TTC34: variants seen among roughly 807,000 people sequenced by gnomAD.
TTC34 encodes the protein tetratricopeptide repeat domain 34.
TTC34 carries 44 observed loss-of-function variants against 40.7 expected under a neutral mutation model. The observed-to-expected ratio is 1.08, with a 90% CI of 0.85 to 1.39. The LOEUF (loss-of-function observed/expected upper bound fraction) is 1.39, where lower values mean the gene tolerates loss of function less well. Among genes scored for constraint, TTC34 ranks in the 40% most tolerant of loss-of-function variants. The pLI is 0.00. For synonymous variants in TTC34, 422 were observed against 398.6 expected (o/e 1.06, Z -0.70); for missense variants, 884 against 838.0 (o/e 1.05, Z -0.68).
In TTC34 at chr1:2,755,620, C is replaced by A. The variant is rs1336451791; in HGVS notation, c.2226+27989G>T. Reference sequence around the variant, plus strand: ...ATCCGACAGCCTGGAGCAGCACCCACACACCCAGGTGCGCATCTGATGGTC... The same window carrying A: ...ATCCGACAGCCTGGAGCAGCACCCAAACACCCAGGTGCGCATCTGATGGTC... On this transcript the variant is annotated intron_variant, in intron 6 of 8. Coordinates refer to ENST00000401095, the Ensembl canonical transcript of TTC34. Among the ~76,000 whole-genome samples, 13 of 121,586 alleles carry A rather than the reference C, an allele frequency of 1.1e-4. 2 individuals carry two copies. The highest frequency in any genetic ancestry group is 4.5e-4 in the African/African-American group (12 of 26,736). 79.8% of individuals were successfully genotyped at this position (121,586 alleles called of 152,430 possible).
intron 6 of TTC34, among the ~76,000 whole-genome samples, chr1:2,781,268 G>T (rs1643478850): frequency 6.6e-6 from 1 of 152,190 alleles, no homozygotes; most frequent in Admixed American, 6.5e-5. Context: ...TCTGAGGGTT[G>T]TCCTGGAACC....
intron 6 of TTC34, among the ~76,000 whole-genome samples, chr1:2,752,145 T>A (rs1641340288): frequency 1.9e-5 from 2 of 107,756 alleles, no homozygotes; most frequent in Non-Finnish European, 3.6e-5. Flanking sequence ...GGTGCGCATG[T>A]GATGGTCTGG....
intron 6 of TTC34, among the ~76,000 whole-genome samples, chr1:2,688,035 C>A (rs1200893106): frequency 1.4e-5 from 2 of 139,002 alleles, no homozygotes. Context: ...CTGCATGTAA[C>A]AGCACCCACA....
exon 4 of TTC34, chr1:2,787,496 G>A: frequency 6.7e-7 from 1 of 1,494,846 alleles, no homozygotes; most frequent in South Asian, 1.3e-5. Flanking sequence ...TGGCGTCATA[G>A]AAGAAGCCCC....
intron 6 of TTC34, among the ~76,000 whole-genome samples, chr1:2,692,047 C>G (rs574646682): frequency 8.7e-5 from 10 of 115,430 alleles, no homozygotes; most frequent in African/African-American, 2.8e-4. Flanking sequence ...ATCTGACAGC[C>G]TGGAACAGCA....
intron 6 of TTC34, among the ~76,000 whole-genome samples, chr1:2,756,639 A>C (rs2100448253): frequency 6.6e-6 from 1 of 151,964 alleles, no homozygotes; most frequent in African/African-American, 2.4e-5. Flanking sequence ...CCAGGTGAGC[A>C]TCTGACAGCC....
intron 6 of TTC34, among the ~76,000 whole-genome samples, chr1:2,686,315 C>T (rs113625845): frequency 4.4e-3 from 549 of 126,064 alleles, no homozygotes; most frequent in East Asian, 6.9e-3. Context: ...GGAGCAGCAC[C>T]CACACCTCCA....
At chr1:2,681,934 C>T (rs373332367) in intron 6 of TTC34, among the ~76,000 whole-genome samples, 1 of 108,440 alleles carries the variant, frequency 9.2e-6, no homozygotes, top group Admixed American at 8.6e-5. Context: ...CAGCCTGGAA[C>T]AGCACCAACA....
At chr1:2,769,741 A>AG (rs1641995345) in intron 6 of TTC34, among the ~76,000 whole-genome samples, 2 of 145,602 alleles carry the variant, frequency 1.4e-5, no homozygotes, top group African/African-American at 2.6e-5. Context: ...AGCCTGGAGC[A>AG]GCGCCCACAC....
chr1:2,754,488 GGCACCC>G (rs1641434175), intron 6 of TTC34, among the ~76,000 whole-genome samples: 1 of 11,910 alleles, frequency 8.4e-5, no homozygotes, highest in Non-Finnish European at 1.3e-4. Context: ...AGCCTGGAAC[GGCACCC>G]ACACCCCCAG....
intron 2 of TTC34, among the ~76,000 whole-genome samples, chr1:2,793,483 A>C (rs1291351137): frequency 9.9e-5 from 15 of 152,168 alleles, no homozygotes; most frequent in Admixed American, 9.8e-4. Context: ...TTTAAATTTT[A>C]GTTTAATCAG....
chr1:2,657,442 C>T (rs1272234598), intron 6 of TTC34, among the ~76,000 whole-genome samples: 2 of 88,024 alleles, frequency 2.3e-5, no homozygotes, highest in African/African-American at 3.6e-5. Flanking sequence ...CATCTGAACT[C>T]ATGGAGCAGC....
intron 6 of TTC34, among the ~76,000 whole-genome samples, chr1:2,693,106 C>T (rs1450813899): frequency 2.6e-5 from 2 of 77,054 alleles, no homozygotes; most frequent in African/African-American, 9.3e-5. Context: ...GCACCCACAC[C>T]CTCAGGTGAG....
intron 6 of TTC34, chr1:2,775,370 A>T (rs545785615): frequency 6.7e-6 from 1 of 148,236 alleles, no homozygotes; most frequent in Non-Finnish European, 1.5e-5. Flanking sequence ...AGAATATGAC[A>T]GAATAAAGCA....
rs148514442 is a variant in TTC34, at chr1:2,785,545, G to A, written c.2059+274C>T. On this transcript the variant is annotated intron_variant, in intron 5 of 8. Transcript: ENST00000401095. ...GGCCCTTCTCCCCTCAGGACTGGGGGTGCTGGGACGGCAGCTCAGGCACCA... is the reference window on the plus strand; with the variant it reads ...GGCCCTTCTCCCCTCAGGACTGGGGATGCTGGGACGGCAGCTCAGGCACCA... 2.9e-3 allele frequency among the ~76,000 whole-genome samples: 444 copies of A among 152,310 alleles called. 13 individuals are homozygous for A. The highest frequency in any genetic ancestry group is 1.0e-3 in the Non-Finnish European group (70 of 68,002).
intron 6 of TTC34, among the ~76,000 whole-genome samples, chr1:2,779,613 A>T (rs1643446914): frequency 6.6e-6 from 1 of 152,124 alleles, no homozygotes; most frequent in African/African-American, 2.4e-5. Context: ...GTGAGCCACC[A>T]CACCCAGCTG....
intron 6 of TTC34, among the ~76,000 whole-genome samples, chr1:2,769,715 C>T (rs1301090155): frequency 6.7e-6 from 1 of 149,432 alleles, no homozygotes; most frequent in East Asian, 2.0e-4. Flanking sequence ...CCCACACCCC[C>T]AGGTGAGCAT....
chr1:2,685,052 C>A lies in TTC34; in HGVS notation c.2227-39489G>T, dbSNP rs1387980419. 7.5e-5 allele frequency among the ~76,000 whole-genome samples: 11 copies of A among 145,710 alleles called. No individual in the cohort carries two copies. In the South Asian group the frequency reaches 2.1e-3, roughly 28 times the overall value. ...AGCACCCACACCCACAGGTGAGCAT[C>A]TGACAGCCTGGAACAGCAGCCTGCA... On this transcript the variant is annotated intron_variant, in intron 6 of 8. Coordinates refer to ENST00000401095, the Ensembl canonical transcript of TTC34.
At chr1:2,654,876 C>G (rs1325590232) in intron 6 of TTC34, among the ~76,000 whole-genome samples, 2 of 149,984 alleles carry the variant, frequency 1.3e-5, no homozygotes, top group Admixed American at 6.7e-5. Context: ...ATCAGACAGC[C>G]TGGAGCAGCA....
Sources: gnomAD v4.1 joint callset for allele counts (sites outside exome capture counted in the v4.1 genomes callset) on GRCh38, gnomAD v4.1.1 for gene constraint, MANE v1.5 for transcripts, NCBI Gene and HGNC (gene_info 2026-07-23, HGNC 2026-07-21) for gene names.